C4orf51: variants seen among roughly 807,000 people sequenced by gnomAD.
C4orf51 encodes uncharacterized protein C4orf51.
A neutral mutation model predicts 25.2 loss-of-function variants in C4orf51; 25 were observed. The observed-to-expected ratio is 0.99, with a 90% CI of 0.72 to 1.39. The LOEUF (loss-of-function observed/expected upper bound fraction) is 1.39. Ranked by LOEUF, C4orf51 falls within the 40% of genes most tolerant of loss-of-function variation. C4orf51 has a pLI of 0.00. For missense variants in C4orf51, 252 were observed against 239.6 expected (o/e 1.05, Z -0.34); for synonymous variants, 100 against 84.5 (o/e 1.18, Z -1.01).
At chr4:145,721,258 T>C (rs1052458403) in intron 2 of C4orf51, among the ~76,000 whole-genome samples, 1 of 149,996 alleles carries the variant, frequency 6.7e-6, no homozygotes, top group Non-Finnish European at 1.5e-5. Flanking sequence ...GGCCAGAGAA[T>C]ACCTTGAACC....
At chr4:145,736,174 G>A (rs939932529), downstream of C4orf51, among the ~76,000 whole-genome samples, 1 of 151,886 alleles carries the variant, frequency 6.6e-6, no homozygotes, top group African/African-American at 2.4e-5. Context: ...CAAACTGGGA[G>A]GCAATTAGAG....
chr4:145,747,459 A>G (rs1189323182), intron 1 of C4orf51, among the ~76,000 whole-genome samples: 2 of 151,638 alleles, frequency 1.3e-5, no homozygotes, highest in East Asian at 3.9e-4. Flanking sequence ...CAAAATGATC[A>G]TATGGTTTTT....
In C4orf51 at chr4:145,763,247, C is replaced by T. The variant is rs187918472; in HGVS notation, n.167-7741C>T. 8.3e-5 allele frequency: 81 copies of T among 973,880 alleles called. No individual in the cohort carries two copies. In the East Asian group the frequency reaches 1.8e-3, roughly 21 times the overall value. 60.3% of individuals were successfully genotyped at this position (973,880 alleles called of 1,614,324 possible). A position where few individuals can be genotyped will look rare whatever the true frequency, so the allele number is the denominator to read the frequency against. On this transcript the variant is annotated intron_variant and non_coding_transcript_variant, in intron 1 of 1. Transcript: ENST00000510096. The surrounding 1 kb of genome is among the most constrained non-coding windows in gnomAD (Gnocchi z 4.6). Reference sequence around the variant, plus strand: ...TCAGCAGTCTGTTTCATTTTAAGGACATTTCTGTGACCCACAGCTCAATCT... The same window carrying T: ...TCAGCAGTCTGTTTCATTTTAAGGATATTTCTGTGACCCACAGCTCAATCT...
At chr4:145,788,979 C>T in the C4orf51 span, among the ~76,000 whole-genome samples, 1 of 152,144 alleles carries the variant, frequency 6.6e-6, no homozygotes, top group Non-Finnish European at 1.5e-5. Context: ...ACATACGTTC[C>T]TTACTAGCTT....
Position 145,732,479 on chromosome 4 carries a change from C to T in C4orf51, c.528C>T (p.Ser176=). ...TTCATGGACGGTGCGATTCTGAAAG[C>T]AAGGTTTGCTCATCTGAGGATTCAG... The part of the protein sequence containing the change: ...KHLHGRCDSE[S]KVCSSEDSEA... The change falls in exon 6 of 6, where the codon AGC becomes AGT. Residue 176 remains serine, a synonymous_variant. Coordinates refer to ENST00000438731, the MANE Select transcript of C4orf51 (RefSeq NM_001080531.3). The T allele has an allele frequency of 3.7e-6, 6 of 1,610,912 alleles. No individual in the cohort carries two copies. Among genetic ancestry groups the T allele is most frequent in the Non-Finnish European group, 5.1e-6 (6 of 1,178,756 alleles).
intron 5 of C4orf51, 54 bp from the exon 6 acceptor site, chr4:145,732,398 GA>G: frequency 8.8e-7 from 1 of 1,132,888 alleles, no homozygotes. Context: ...CAATTCTGTG[GA>G]AAAGTGACCT....
chr4:145,774,464 G>C, downstream of C4orf51: 1 of 1,582,404 alleles, frequency 6.3e-7, no homozygotes, highest in Non-Finnish European at 8.6e-7. Flanking sequence ...GGGGTGCAGG[G>C]GATGGAGAAG....
At chr4:145,746,536 A>G (rs1733381132) in intron 1 of C4orf51, among the ~76,000 whole-genome samples, 1 of 151,816 alleles carries the variant, frequency 6.6e-6, no homozygotes, top group Non-Finnish European at 1.5e-5. Flanking sequence ...ATGCCTGGAC[A>G]TGTTTCTGGT....
rs941069284 is a variant in C4orf51 at position 145,763,537 on chromosome 4, G to A, written n.167-7451G>A. Among the ~76,000 whole-genome samples, 1 of 152,200 alleles carries A rather than the reference G, an allele frequency of 6.6e-6. No individual in the cohort carries two copies. The highest frequency in any genetic ancestry group is 2.4e-5 in the African/African-American group (1 of 41,450). On this transcript the variant is annotated intron_variant and non_coding_transcript_variant, in intron 1 of 1. Coordinates refer to the C4orf51 transcript ENST00000510096. This position sits in a 1 kb window ranked among gnomAD's most constrained non-coding sequence, Gnocchi z 4.6. The stretch of plus-strand genomic sequence containing the variant: ...ACCAGCAAAAGCATCAGAATTCACT[G>A]TGCATTCTCCCCAATGGCTTCAGAG...
downstream of C4orf51, among the ~76,000 whole-genome samples, chr4:145,755,854 G>A (rs1579043560): frequency 6.6e-6 from 1 of 152,202 alleles, no homozygotes; most frequent in East Asian, 1.9e-4. Context: ...TGGCTCCTTA[G>A]AATGAATCTT....
chr4:145,756,117 C>G (rs1034652692), downstream of C4orf51, among the ~76,000 whole-genome samples: 3 of 152,168 alleles, frequency 2.0e-5, no homozygotes, highest in African/African-American at 4.8e-5. Flanking sequence ...CTTTGGCAGG[C>G]AGGGGTTCTA....
At position 145,765,311 on chromosome 4, in the gene C4orf51, T is replaced by A; in HGVS notation, n.167-5677T>A. On this transcript the variant is annotated intron_variant and non_coding_transcript_variant, in intron 1 of 1. Transcript: ENST00000510096. This position sits in a 1 kb window ranked among gnomAD's most constrained non-coding sequence, Gnocchi z 4.7. ...CCAGGCACTGTTCCCCATATCTCTG[T>A]GCTAAAAGGAGTTAAATGTACAAAC... is the stretch of plus-strand genomic sequence containing the variant. 9.8e-7 allele frequency: 1 copy of A among 1,022,640 alleles called. No individual in the cohort carries two copies. Among genetic ancestry groups the A allele is most frequent in the Non-Finnish European group, 1.4e-6 (1 of 720,702 alleles). The allele number at this position is 1,022,640 out of a possible 1,614,324, so 63.3% of individuals were successfully genotyped here. A position where few individuals can be genotyped will look rare whatever the true frequency, so the allele number is the denominator to read the frequency against.
At chr4:145,734,876 C>G (rs1025055152), downstream of C4orf51, among the ~76,000 whole-genome samples, 1 of 152,114 alleles carries the variant, frequency 6.6e-6, no homozygotes, top group African/African-American at 2.4e-5. Context: ...GACTCTTGTT[C>G]TTTGTGGAGC....
rs530547794 is a variant in C4orf51 at position 145,745,135 on chromosome 4, T to C, written n.168-9072T>C. ...ATACTTATGGGGTAGATGAGATAAT[T>C]TGATGCAGCATGCAATGCATAACAA... On this transcript the variant is annotated intron_variant and non_coding_transcript_variant, in intron 1 of 1. Transcript: ENST00000508981. Among the ~76,000 whole-genome samples the C allele has an allele frequency of 7.2e-5, 11 of 152,258 alleles. No homozygotes were observed. In the South Asian group the frequency reaches 2.1e-3, roughly 29 times the overall value.
At chr4:145,683,431 A>G (rs1728952792) in intron 1 of C4orf51, among the ~76,000 whole-genome samples, 1 of 152,212 alleles carries the variant, frequency 6.6e-6, no homozygotes, top group Non-Finnish European at 1.5e-5. Flanking sequence ...GAGGCAAAAG[A>G]CCAAGAATAA....
downstream of C4orf51, chr4:145,774,446 G>A: frequency 1.3e-6 from 2 of 1,551,752 alleles, no homozygotes; most frequent in Non-Finnish European, 1.8e-6. Flanking sequence ...CCAGGTGGCA[G>A]GTGCTCTGGG....
chr4:145,771,827 G>A (rs933695068), downstream of C4orf51, among the ~76,000 whole-genome samples: 1 of 152,192 alleles, frequency 6.6e-6, no homozygotes. Flanking sequence ...AGATAGCGTG[G>A]CAGATTTCCT....
intron 2 of C4orf51, among the ~76,000 whole-genome samples, chr4:145,720,543 T>G (rs922444464): frequency 2.6e-5 from 4 of 152,162 alleles, no homozygotes; most frequent in Admixed American, 6.5e-5. Flanking sequence ...GCTGCACTTT[T>G]TACCCCACCA....
the C4orf51 span, among the ~76,000 whole-genome samples, chr4:145,779,023 C>T: frequency 1.3e-5 from 2 of 152,124 alleles, no homozygotes; most frequent in African/African-American, 2.4e-5. Context: ...CTGGCTGCTC[C>T]CACCCACAAC....
Sources: gnomAD v4.1 joint callset for allele counts (sites outside exome capture counted in the v4.1 genomes callset) on GRCh38, gnomAD v4.1.1 for gene constraint, Gnocchi (gnomAD v3.1) non-coding constraint, MANE v1.5 for transcripts, NCBI Gene and HGNC (gene_info 2026-07-23, HGNC 2026-07-21) for gene names.